Variants in CCDC160 observed in about 807,000 individuals in gnomAD.
The protein encoded by CCDC160 is coiled-coil domain containing 160, also known as coiled-coil domain-containing protein 160.
For missense variants in CCDC160, 227 were observed against 215.6 expected (o/e 1.05, Z -0.33); for synonymous variants, 94 against 79.4 (o/e 1.18, Z -0.98).
At chrX:134,241,792 A>G (rs956987753) in intron 1 of CCDC160, among the ~76,000 whole-genome samples, 2 of 111,983 alleles carry the variant, frequency 1.8e-5, no homozygotes, top group African/African-American at 6.5e-5. Flanking sequence ...ACTAACAGGC[A>G]TGCCTACACT....
At chrX:134,243,442 T>G in intron 1 of CCDC160, 1 of 473,253 alleles carries the variant, frequency 2.1e-6, no homozygotes, top group Non-Finnish European at 2.6e-6. Context: ...ATTCCTTCAT[T>G]GCTCATAGTA....
chrX:134,242,640 G>A lies in CCDC160; in HGVS notation c.-24-2137G>A, dbSNP rs759841466. Among the ~76,000 whole-genome samples the A allele has an allele frequency of 1.1e-3, 119 of 110,918 alleles. 1 individual carries two copies. The highest frequency in any genetic ancestry group is 3.6e-3 in the African/African-American group (109 of 30,536). On this transcript the variant is annotated intron_variant, in intron 1 of 1. Coordinates refer to ENST00000370809, the Ensembl canonical transcript of CCDC160. ...CCAGAGATTTATGGGATGGTTGGAT[G>A]TAGAAGTAACTTTTTCAAGGAGCAA... is the stretch of plus-strand genomic sequence containing the variant.
At chrX:134,244,373 A>AT (rs2077035743) in intron 1 of CCDC160, among the ~76,000 whole-genome samples, 1 of 112,562 alleles carries the variant, frequency 8.9e-6, no homozygotes, top group Non-Finnish European at 1.9e-5. Context: ...AAGAACTAGA[A>AT]AGGCATCAGA....
chrX:134,239,905 T>C (rs1360437238), intron 1 of CCDC160, among the ~76,000 whole-genome samples: 1 of 112,262 alleles, frequency 8.9e-6, no homozygotes, highest in East Asian at 2.8e-4. Context: ...CTTCAGTCTT[T>C]TTTCCACCAT....
In CCDC160 at chrX:134,238,974, C is replaced by T. The variant is rs2077019167; in HGVS notation, c.-25+1631C>T. On this transcript the variant is annotated intron_variant, in intron 1 of 1. Transcript: ENST00000370809. ...CTCTCAGGAAGGCCTCATAAAAATA[C>T]AAAGGAAAAGTGTCCTGAAGACTTC... The T allele has an allele frequency of 3.6e-5, 4 of 111,638 alleles. No homozygotes were observed. In the Admixed American group the frequency reaches 3.8e-4, roughly 11 times the overall value. 9.2% of individuals were successfully genotyped at this position (111,638 alleles called of 1,213,427 possible). A position where few individuals can be genotyped will look rare whatever the true frequency, so the allele number is the denominator to read the frequency against.
chrX:134,237,722 A>C (rs1354929544), intron 1 of CCDC160, among the ~76,000 whole-genome samples: 1 of 111,863 alleles, frequency 8.9e-6, no homozygotes, highest in African/African-American at 3.2e-5. Flanking sequence ...TTTACAGAGA[A>C]AACTCCCAAA....
chrX:134,244,860 A>C, exon 2 of CCDC160: 1 of 1,193,292 alleles, frequency 8.4e-7, no homozygotes, highest in Non-Finnish European at 1.1e-6. Flanking sequence ...TTAGTGCACA[A>C]GATGTTCTAG....
intron 1 of CCDC160, among the ~76,000 whole-genome samples, chrX:134,240,188 G>A (rs924473309): frequency 8.9e-6 from 1 of 112,349 alleles, no homozygotes; most frequent in Non-Finnish European, 1.9e-5. Context: ...GAAAAAAAAG[G>A]TTGAGAACCA....
intron 1 of CCDC160, among the ~76,000 whole-genome samples, chrX:134,242,400 A>G (rs1165412263): frequency 1.8e-5 from 2 of 111,236 alleles, no homozygotes; most frequent in East Asian, 2.8e-4. Context: ...TTTTACTACT[A>G]TGGGCTGTGT....
rs777881467 is a variant in CCDC160 at position 134,241,088 on chromosome X, C to T, written c.-24-3689C>T. ...AAAACAAATAATTAAATTTCACATCCGCTTTAATATGATTATACTCTCTGG... is the reference window on the plus strand; with the variant it reads ...AAAACAAATAATTAAATTTCACATCTGCTTTAATATGATTATACTCTCTGG... On this transcript the variant is annotated intron_variant, in intron 1 of 1. Transcript: ENST00000370809. 1.3e-4 allele frequency among the ~76,000 whole-genome samples: 14 copies of T among 110,947 alleles called. No individual in the cohort carries two copies. In the South Asian group the frequency reaches 4.2e-3, roughly 33 times the overall value.
chrX:134,242,377 A>T (rs181105719), intron 1 of CCDC160, among the ~76,000 whole-genome samples: 38 of 111,478 alleles, frequency 3.4e-4, no homozygotes, highest in African/African-American at 1.2e-3. Context: ...GACCTGAGAG[A>T]CAGGGTCCTC....
At chrX:134,237,237 G>A (rs1357032369) in exon 1 of CCDC160, 2 of 113,564 alleles carry the variant, frequency 1.8e-5, no homozygotes, top group African/African-American at 6.4e-5. Context: ...GAGCCGGCCC[G>A]GCGGGGTCGC....
rs192294096 is a variant in CCDC160, at chrX:134,241,657, T to C, written c.-24-3120T>C. 1.4e-4 allele frequency among the ~76,000 whole-genome samples: 16 copies of C among 112,352 alleles called. No homozygotes were observed. In the East Asian group the frequency reaches 4.5e-3, roughly 31 times the overall value. ...ATTGTTTTCCTGTCTGTGTTCTAGA[T>C]TATTTGCTTCTAAAGAAACCAGTTT... On this transcript the variant is annotated intron_variant, in intron 1 of 1. Transcript: ENST00000370809.
chrX:134,246,004 A>AGTGTGTGTGTGTGT (rs201689931), downstream of CCDC160: 10 of 200,252 alleles, frequency 5.0e-5, no homozygotes, highest in African/African-American at 2.6e-4. Flanking sequence ...CTCATATCAG[A>AGTGTGTGTGTGTGT]GTGTGTGTGT....
chrX:134,241,431 CA>C (rs1008812602), intron 1 of CCDC160, among the ~76,000 whole-genome samples: 18 of 104,910 alleles, frequency 1.7e-4, no homozygotes, highest in Admixed American at 1.0e-4. Flanking sequence ...TTTGCCACTG[CA>C]AAAAAAAAAG....
At chrX:134,245,433 T>A in exon 2 of CCDC160, 1 of 1,183,118 alleles carries the variant, frequency 8.5e-7, no homozygotes, top group African/African-American at 1.8e-5. Flanking sequence ...ATGACCTGTC[T>A]GAAAAAGCAA....
chrX:134,246,045 A>G (rs1208362385), downstream of CCDC160: 2 of 195,937 alleles, frequency 1.0e-5, no homozygotes, highest in Non-Finnish European at 1.8e-5. Flanking sequence ...ACACACACAC[A>G]TATATTCACT....
chrX:134,246,551 G>A (rs1355936591), downstream of CCDC160, among the ~76,000 whole-genome samples: 1 of 111,626 alleles, frequency 9.0e-6, no homozygotes, highest in African/African-American at 3.3e-5. Context: ...CTTCCTCCCC[G>A]GCTTACATCA....
intron 1 of CCDC160, among the ~76,000 whole-genome samples, 158 bp downstream of exon 1, chrX:134,237,501 C>A (rs972601863): frequency 1.1e-4 from 12 of 112,253 alleles, no homozygotes; most frequent in African/African-American, 3.9e-4. Context: ...CAGGCCGGGG[C>A]TGGAGAGCGT....
Sources: allele counts gnomAD v4.1 joint callset (sites outside exome capture counted in the v4.1 genomes callset), GRCh38; gene constraint gnomAD v4.1.1; transcripts MANE v1.5; gene names NCBI Gene and HGNC (gene_info 2026-07-23, HGNC 2026-07-21).